NEGR1: variants seen among roughly 807,000 people sequenced by gnomAD.
The protein encoded by NEGR1 is IgLON family member 4.
A neutral mutation model predicts 40.9 loss-of-function variants in NEGR1; 10 were observed. That is an observed-to-expected ratio of 0.24 (90% confidence interval 0.15 to 0.42). The LOEUF is 0.42. Ranked by LOEUF, NEGR1 falls within the 10% of genes least tolerant of loss-of-function variation. The pLI is 1.00. For missense variants in NEGR1, 352 were observed against 438.9 expected, an observed-to-expected ratio of 0.80 and a Z score of 1.77; for synonymous variants, 185 against 166.8, an observed-to-expected ratio of 1.11 and a Z score of -0.84.
At chr1:71,868,264 T>C (rs1421196044) in intron 2 of NEGR1, among the ~76,000 whole-genome samples, 2 of 152,114 alleles carry the variant, frequency 1.3e-5, no homozygotes, top group Non-Finnish European at 2.9e-5. Flanking sequence ...TGGAAACAAA[T>C]GAATTACATT....
At chr1:71,572,441 T>C (rs2101494346) in intron 6 of NEGR1, among the ~76,000 whole-genome samples, 1 of 152,306 alleles carries the variant, frequency 6.6e-6, no homozygotes, top group East Asian at 1.9e-4. Context: ...TTATTTTCAG[T>C]ATTCTGAACA....
Position 72,219,594 on chromosome 1 carries a change from C to A in NEGR1, c.176+62725G>T, listed in dbSNP as rs190964120. Among the ~76,000 whole-genome samples, 8 of 152,130 alleles carry A rather than the reference C, an allele frequency of 5.3e-5. No homozygotes were observed. In the East Asian group the frequency reaches 1.5e-3, roughly 29 times the overall value. On this transcript the variant is annotated intron_variant, in intron 1 of 6. Coordinates refer to ENST00000357731, the MANE Select transcript of NEGR1 (RefSeq NM_173808.3). ...ACATATTAAAATTTTAGAAAGTTGT[C>A]TGTCTATAACTAATACATGATTTGA...
intron 2 of NEGR1, among the ~76,000 whole-genome samples, chr1:71,932,041 G>A (rs1645860080): frequency 6.6e-6 from 1 of 151,950 alleles, no homozygotes; most frequent in African/African-American, 2.4e-5. Context: ...CCCTTTTAAA[G>A]CCAGGCTCCA....
intron 6 of NEGR1, among the ~76,000 whole-genome samples, chr1:71,498,064 C>CT (rs999779221): frequency 3.8e-4 from 58 of 151,080 alleles, no homozygotes; most frequent in Non-Finnish European, 6.0e-4. Context: ...TGAATTGGAA[C>CT]TTTTTTTTAA....
chr1:71,427,676 A>C (rs1646437148), intron 6 of NEGR1, among the ~76,000 whole-genome samples: 1 of 152,230 alleles, frequency 6.6e-6, no homozygotes, highest in Non-Finnish European at 1.5e-5. Context: ...TATAGTAAGT[A>C]GTTAAATATT....
At chr1:72,086,065 T>C (rs991201350) in intron 1 of NEGR1, among the ~76,000 whole-genome samples, 5 of 151,640 alleles carry the variant, frequency 3.3e-5, no homozygotes, top group African/African-American at 1.2e-4. Context: ...GAGCAAAATG[T>C]CCTCACTGGT....
chr1:71,644,879 T>C (rs1394808484), intron 4 of NEGR1, among the ~76,000 whole-genome samples: 1 of 151,894 alleles, frequency 6.6e-6, no homozygotes, highest in East Asian at 1.9e-4. Context: ...CAGGCTACTA[T>C]CTGTTCACAT....
intron 1 of NEGR1, among the ~76,000 whole-genome samples, chr1:72,257,114 A>G (rs1184546447): frequency 6.6e-6 from 1 of 151,984 alleles, no homozygotes; most frequent in Non-Finnish European, 1.5e-5. Context: ...CGAGGTCAGG[A>G]GATTGAGACC....
At chr1:72,018,980 T>A (rs1382921343) in intron 1 of NEGR1, among the ~76,000 whole-genome samples, 1 of 151,820 alleles carries the variant, frequency 6.6e-6, no homozygotes, top group Non-Finnish European at 1.5e-5. Flanking sequence ...TACCAAGAAA[T>A]GTGGAGGAAC....
chr1:71,722,466 G>A (rs1654540801), intron 3 of NEGR1, among the ~76,000 whole-genome samples: 1 of 151,890 alleles, frequency 6.6e-6, no homozygotes, highest in Admixed American at 6.6e-5. Flanking sequence ...TTTTCAATGA[G>A]CATGCTTCAT....
intron 1 of NEGR1, among the ~76,000 whole-genome samples, chr1:72,080,058 C>T (rs1053984340): frequency 1.3e-5 from 2 of 152,060 alleles, no homozygotes; most frequent in African/African-American, 4.8e-5. Flanking sequence ...ATTTAGCAGC[C>T]TAACATTAAA....
intron 1 of NEGR1, among the ~76,000 whole-genome samples, chr1:71,968,119 C>G (rs1646225328): frequency 6.6e-6 from 1 of 152,146 alleles, no homozygotes; most frequent in Non-Finnish European, 1.5e-5. Flanking sequence ...TTTACTCTCT[C>G]TAAAGTCTCT....
chr1:71,593,068 A>G (rs1649561508), intron 5 of NEGR1, 100 bp from the exon 6 acceptor site: 2 of 710,674 alleles, frequency 2.8e-6, no homozygotes, highest in Non-Finnish European at 4.9e-6. Flanking sequence ...AGACAATTCA[A>G]CTACGCTGAC....
intron 4 of NEGR1, among the ~76,000 whole-genome samples, chr1:71,673,723 T>C (rs1652515685): frequency 6.6e-6 from 1 of 152,152 alleles, no homozygotes; most frequent in Non-Finnish European, 1.5e-5. Flanking sequence ...CTTGTGACAA[T>C]ATGTGAAGCA....
intron 3 of NEGR1, among the ~76,000 whole-genome samples, chr1:71,706,235 C>T (rs747455334): frequency 4.6e-5 from 7 of 151,948 alleles, no homozygotes; most frequent in South Asian, 2.1e-4. Context: ...TAGAGCAGAA[C>T]GGAAAACCAG....
chr1:71,845,432 G>A (rs1659372559), intron 2 of NEGR1, among the ~76,000 whole-genome samples: 1 of 152,020 alleles, frequency 6.6e-6, no homozygotes, highest in African/African-American at 2.4e-5. Flanking sequence ...CCCACATAAT[G>A]GACTCCATGA....
intron 1 of NEGR1, among the ~76,000 whole-genome samples, chr1:72,233,259 T>G (rs1332195176): frequency 6.6e-6 from 1 of 152,154 alleles, no homozygotes; most frequent in African/African-American, 2.4e-5. Flanking sequence ...ATGGCTGCCC[T>G]TACCAGGGAA....
chr1:71,847,100 A>G (rs1481650590), intron 2 of NEGR1, among the ~76,000 whole-genome samples: 1 of 152,194 alleles, frequency 6.6e-6, no homozygotes, highest in Non-Finnish European at 1.5e-5. Context: ...CTCACAGTAT[A>G]GACCATTTGA....
At chr1:71,704,198 CACACAA>C (rs1653809885) in intron 3 of NEGR1, among the ~76,000 whole-genome samples, 1 of 148,896 alleles carries the variant, frequency 6.7e-6, no homozygotes, top group African/African-American at 2.6e-5. Context: ...CACACACACA[CACACAA>C]GATTTAAAAT....
Sources: allele counts gnomAD v4.1 joint callset (sites outside exome capture counted in the v4.1 genomes callset), GRCh38; gene constraint gnomAD v4.1.1; transcripts MANE v1.5; gene names NCBI Gene and HGNC (gene_info 2026-07-23, HGNC 2026-07-21).